Variants in CLPB observed in about 807,000 individuals in gnomAD.
The protein encoded by CLPB is mitochondrial disaggregase.
A neutral mutation model predicts 78.4 loss-of-function variants in CLPB; 40 were observed. That is an observed-to-expected ratio of 0.51 (90% CI 0.40 to 0.66). CLPB has a LOEUF of 0.66. CLPB is among the 30% of genes least tolerant of loss of function. The pLI is 0.00. For synonymous variants in CLPB, 333 were observed against 348.0 expected (o/e 0.96, Z 0.48); for missense variants, 780 against 886.9 (o/e 0.88, Z 1.53).
At chr11:72,382,279 C>G (rs1251355021) in intron 3 of CLPB, among the ~76,000 whole-genome samples, 1 of 151,980 alleles carries the variant, frequency 6.6e-6, no homozygotes, top group Non-Finnish European at 1.5e-5. Flanking sequence ...CAGGCCAGCC[C>G]TTGTGGACCC....
rs1565413587 is a variant in CLPB, at chr11:72,286,221, C to CTTTTTTTTT, written c.*7145_*7146insAAAAAAAAA. On this transcript the variant is annotated 3_prime_UTR_variant, in exon 16 of 16. Transcript: ENST00000538039. ...AGATTACAGGTGTGAGATACTGCAC[C>CTTTTTTTTT]TGTTTTTTTTTTTTTTTTTTTTTTT... The CTTTTTTTTT allele has an allele frequency of 1.7e-5, 1 of 59,120 alleles. No individual in the cohort carries two copies. Among genetic ancestry groups the CTTTTTTTTT allele is most frequent in the African/African-American group, 7.7e-5 (1 of 12,964 alleles). The allele number at this position is 59,120 out of a possible 1,614,324, so 3.7% of individuals were successfully genotyped here.
At chr11:72,432,971 G>T (rs1287933176) in intron 1 of CLPB, among the ~76,000 whole-genome samples, 5 of 152,130 alleles carry the variant, frequency 3.3e-5, no homozygotes, top group Non-Finnish European at 5.9e-5. Flanking sequence ...CTGAATGGCT[G>T]GACTCACATA....
intron 5 of CLPB, among the ~76,000 whole-genome samples, chr11:72,340,265 T>C (rs1950396606): frequency 6.6e-6 from 1 of 152,242 alleles, no homozygotes; most frequent in African/African-American, 2.4e-5. Context: ...GCAGCAGAGA[T>C]AGGCGCTGGC....
chr11:72,363,832 A>C (rs554022039), intron 4 of CLPB, among the ~76,000 whole-genome samples: 3 of 152,318 alleles, frequency 2.0e-5, no homozygotes, highest in Non-Finnish European at 4.4e-5. Flanking sequence ...AGCCTCATAT[A>C]ACTCAGGGTC....
intron 2 of CLPB, among the ~76,000 whole-genome samples, chr11:72,421,345 G>A (rs927777142): frequency 4.6e-5 from 7 of 151,942 alleles, no homozygotes; most frequent in Admixed American, 2.6e-4. Context: ...ACCAATCCAC[G>A]TGTTTCCGTG....
At chr11:72,389,627 G>C (rs1211956897) in intron 3 of CLPB, among the ~76,000 whole-genome samples, 1 of 152,202 alleles carries the variant, frequency 6.6e-6, no homozygotes, top group African/African-American at 2.4e-5. Context: ...AAAGGCTTAA[G>C]AATATCAGCG....
chr11:72,394,609 G>A (rs138932015), intron 3 of CLPB, among the ~76,000 whole-genome samples: 2 of 152,308 alleles, frequency 1.3e-5, no homozygotes, highest in East Asian at 3.9e-4. Flanking sequence ...CTGAGGTTGA[G>A]GCATGTGTCT....
intron 11 of CLPB, among the ~76,000 whole-genome samples, chr11:72,296,918 A>G (rs1242652314): frequency 6.6e-6 from 1 of 152,184 alleles, no homozygotes; most frequent in Admixed American, 6.5e-5. Flanking sequence ...CAGCTAGGAT[A>G]CAGTAGAGGC....
chr11:72,357,700 GAAAAAAAAAA>G (rs747456359), intron 5 of CLPB, among the ~76,000 whole-genome samples: 79 of 43,880 alleles, frequency 1.8e-3, no homozygotes, highest in African/African-American at 6.0e-3. Flanking sequence ...CCGTGTCCCA[GAAAAAAAAAA>G]AAAAAAAAAA....
intron 2 of CLPB, among the ~76,000 whole-genome samples, chr11:72,414,297 G>T (rs1855958501): frequency 6.6e-6 from 1 of 152,164 alleles, no homozygotes; most frequent in South Asian, 2.1e-4. Context: ...GTGGTGGTGA[G>T]AAGGAAAGGC....
chr11:72,345,685 A>T (rs1207653035), intron 5 of CLPB, among the ~76,000 whole-genome samples: 1 of 152,234 alleles, frequency 6.6e-6, no homozygotes, highest in African/African-American at 2.4e-5. Flanking sequence ...AATTAAATCA[A>T]TCAGGATACG....
intron 11 of CLPB, among the ~76,000 whole-genome samples, chr11:72,298,524 G>T (rs760201767): frequency 3.9e-5 from 6 of 152,172 alleles, no homozygotes. Flanking sequence ...TTGAGACAGG[G>T]TCTGGCTCTG....
chr11:72,404,220 G>A (rs1268744468), intron 2 of CLPB, among the ~76,000 whole-genome samples: 1 of 152,186 alleles, frequency 6.6e-6, no homozygotes, highest in Middle Eastern at 3.2e-3. Context: ...GATTCTGGAT[G>A]AGGGTGAGGA....
chr11:72,366,756 G>A (rs919184032), intron 4 of CLPB, among the ~76,000 whole-genome samples: 1 of 152,170 alleles, frequency 6.6e-6, no homozygotes, highest in East Asian at 1.9e-4. Flanking sequence ...GTAGAGAAAA[G>A]AGAATGCTTA....
chr11:72,400,142 T>G (rs1855519149), intron 3 of CLPB, among the ~76,000 whole-genome samples: 1 of 152,176 alleles, frequency 6.6e-6, no homozygotes, highest in Non-Finnish European at 1.5e-5. Context: ...AATACAGAAA[T>G]AAGCTCTATG....
chr11:72,412,832 C>T (rs1325261525), intron 2 of CLPB, among the ~76,000 whole-genome samples: 1 of 152,234 alleles, frequency 6.6e-6, no homozygotes. Context: ...GCTGGATCAA[C>T]TGAATAAAGT....
intron 4 of CLPB, among the ~76,000 whole-genome samples, chr11:72,364,038 G>A (rs1950893460): frequency 6.6e-6 from 1 of 152,168 alleles, no homozygotes; most frequent in South Asian, 2.1e-4. Context: ...TACAATGTGT[G>A]TGTATGTGAG....
rs757217501 is a variant in CLPB at position 72,293,433 on chromosome 11, G to A, written c.1968C>T (p.Asp656=). The change falls in exon 16 of 16, where the codon GAC becomes GAT. Residue 656 remains aspartate (D), a synonymous_variant. Coordinates refer to ENST00000538039, the MANE Select transcript of CLPB (RefSeq NM_001258392.3). ...PKLRLEIIDK[D]SKTRRLDIRA... ...GGATGTCCAGTCTGCGAGTCTTGCT[G>A]TCCTTGTCGATGATCTCCAGACGCA... The A allele has an allele frequency of 2.2e-5, 36 of 1,614,182 alleles. No individual in the cohort carries two copies. The East Asian group carries it at 7.1e-4, about 32-fold the overall frequency.
intron 7 of CLPB, among the ~76,000 whole-genome samples, chr11:72,315,755 C>T (rs1949930059): frequency 6.6e-6 from 1 of 152,196 alleles, no homozygotes; most frequent in Admixed American, 6.5e-5. Context: ...CATGGGGTGC[C>T]AGGCTCCATC....
Sources: allele counts gnomAD v4.1 joint callset (sites outside exome capture counted in the v4.1 genomes callset), GRCh38; gene constraint gnomAD v4.1.1; transcripts MANE v1.5; gene names NCBI Gene and HGNC (gene_info 2026-07-23, HGNC 2026-07-21).